PRKN: variants seen among roughly 807,000 people sequenced by gnomAD.
PRKN encodes E3 ubiquitin-protein ligase parkin.
PRKN carries 56 observed loss-of-function variants against 59.5 expected under a neutral mutation model. The observed-to-expected ratio is 0.94, with a 90% CI of 0.76 to 1.18. The LOEUF is 1.18. PRKN is among the 50% of genes most tolerant of loss of function. PRKN has a pLI of 0.00. For synonymous variants in PRKN, 250 were observed against 222.1 expected, an observed-to-expected ratio of 1.13 and a Z score of -1.12; for missense variants, 657 against 596.4, an observed-to-expected ratio of 1.10 and a Z score of -1.06.
At chr6:162,313,766 C>T (rs1424210611) in intron 2 of PRKN, among the ~76,000 whole-genome samples, 5 of 152,190 alleles carry the variant, frequency 3.3e-5, no homozygotes, top group African/African-American at 9.6e-5. Flanking sequence ...GGATTACAGG[C>T]GTGAGCCACC....
intron 9 of PRKN, among the ~76,000 whole-genome samples, chr6:161,540,427 A>G (rs2115407636): frequency 6.6e-6 from 1 of 152,340 alleles, no homozygotes; most frequent in South Asian, 2.1e-4. Context: ...AAAAATATAT[A>G]TCAATGGCAG....
In PRKN at chr6:162,199,935, G is replaced by A. The variant is rs555992946; in HGVS notation, c.534+1196C>T. ...ACAGCTCCTCATCTGCGAACCAGAT[G>A]AAATGCGCCTTAATTAGCCTCTTGT... On this transcript the variant is annotated intron_variant, in intron 4 of 11. Transcript: ENST00000366898. 5.3e-5 allele frequency among the ~76,000 whole-genome samples: 8 copies of A among 152,222 alleles called. 1 individual carries two copies. Among genetic ancestry groups the A allele is most frequent in the African/African-American group, 1.9e-4 (8 of 41,544 alleles).
At chr6:162,506,841 G>A (rs1242744532) in intron 1 of PRKN, among the ~76,000 whole-genome samples, 1 of 152,162 alleles carries the variant, frequency 6.6e-6, no homozygotes, top group African/African-American at 2.4e-5. Flanking sequence ...GCATCACAGT[G>A]GACTTAAGGG....
At chr6:161,984,626 C>T (rs899871693) in intron 5 of PRKN, among the ~76,000 whole-genome samples, 3 of 152,146 alleles carry the variant, frequency 2.0e-5, no homozygotes, top group African/African-American at 4.8e-5. Context: ...ATCTGTCAGA[C>T]TGCAAAACAA....
chr6:161,450,028 A>C (rs1390155287), intron 9 of PRKN, among the ~76,000 whole-genome samples: 1 of 152,208 alleles, frequency 6.6e-6, no homozygotes, highest in Non-Finnish European at 1.5e-5. Context: ...GGTAAGGTAC[A>C]GGTAGTCTGG....
chr6:162,696,769 C>CAAGA (rs1229295065), intron 1 of PRKN, among the ~76,000 whole-genome samples: 2 of 151,732 alleles, frequency 1.3e-5, no homozygotes, highest in East Asian at 1.9e-4. Flanking sequence ...TGGTCTTGAA[C>CAAGA]TCTTGGGCTC....
At chr6:162,456,422 G>T (rs1276646355) in intron 1 of PRKN, among the ~76,000 whole-genome samples, 1 of 152,074 alleles carries the variant, frequency 6.6e-6, no homozygotes. Context: ...ACTAAAAATA[G>T]CATGACACAT....
At chr6:161,650,900 G>A (rs1784127877) in intron 7 of PRKN, among the ~76,000 whole-genome samples, 1 of 152,048 alleles carries the variant, frequency 6.6e-6, no homozygotes, top group African/African-American at 2.4e-5. Flanking sequence ...TTCTAATAAT[G>A]GTTATTTGTC....
chr6:162,594,618 AG>A (rs1426226455), intron 1 of PRKN, among the ~76,000 whole-genome samples: 1 of 152,198 alleles, frequency 6.6e-6, no homozygotes, highest in Non-Finnish European at 1.5e-5. Flanking sequence ...CTAGTTTATT[AG>A]CTAGACCACT....
At position 161,498,494 on chromosome 6, in the gene PRKN, G is replaced by C. The variant is rs6922154; in HGVS notation, c.1083+50360C>G. ...TTCTCCCTGAGAGCTTGTGGGAAGG[G>C]TGTGCTGTCCTAACCCAGTTAGATG... On this transcript the variant is annotated intron_variant, in intron 9 of 11. Coordinates refer to ENST00000366898, the MANE Select transcript of PRKN (RefSeq NM_004562.3). This position sits in a 1 kb window ranked among gnomAD's most constrained non-coding sequence, Gnocchi z 4.2. Among the ~76,000 whole-genome samples, 18,182 of 152,144 alleles carry C rather than the reference G, an allele frequency of 0.12. 1,556 individuals carry two copies. The highest frequency in any genetic ancestry group is 0.25 in the African/African-American group (10,331 of 41,478).
At chr6:162,087,594 T>C (rs1264445250) in intron 4 of PRKN, among the ~76,000 whole-genome samples, 2 of 142,814 alleles carry the variant, frequency 1.4e-5, no homozygotes, top group Non-Finnish European at 3.1e-5. Context: ...AATTTCTTTT[T>C]TTTTTTTTTT....
intron 6 of PRKN, among the ~76,000 whole-genome samples, chr6:161,908,452 C>T (rs907802024): frequency 1.3e-5 from 2 of 152,072 alleles, no homozygotes; most frequent in Non-Finnish European, 2.9e-5. Flanking sequence ...TTTGACATAT[C>T]GACTGTATTC....
intron 1 of PRKN, among the ~76,000 whole-genome samples, chr6:162,602,065 C>A (rs928391749): frequency 6.6e-6 from 1 of 152,198 alleles, no homozygotes; most frequent in Non-Finnish European, 1.5e-5. Flanking sequence ...ATACAGCAGG[C>A]AGTCACATAC....
chr6:162,716,758 G>A (rs1001964171), intron 1 of PRKN, among the ~76,000 whole-genome samples: 1 of 144,332 alleles, frequency 6.9e-6, no homozygotes, highest in Admixed American at 7.1e-5. Flanking sequence ...CTACCCGCCT[G>A]CGCGCGCGCG....
intron 2 of PRKN, among the ~76,000 whole-genome samples, chr6:162,437,175 A>G (rs968469396): frequency 6.6e-6 from 1 of 152,200 alleles, no homozygotes; most frequent in Non-Finnish European, 1.5e-5. Flanking sequence ...CTGTACTCTT[A>G]GTATGAACAA....
Position 161,792,501 on chromosome 6 carries a change from T to C in PRKN, c.735-6593A>G, listed in dbSNP as rs370661667. 1.2e-3 allele frequency among the ~76,000 whole-genome samples: 190 copies of C among 152,334 alleles called. 6 individuals carry two copies. In the South Asian group the frequency reaches 0.038, roughly 31 times the overall value. ...TCTCCCCAGTGGAAAGCAAAGTTAT[T>C]ACATATGTATGAAGAGCAGCAGCAT... On this transcript the variant is annotated intron_variant, in intron 6 of 11. Coordinates refer to ENST00000366898, the MANE Select transcript of PRKN (RefSeq NM_004562.3).
chr6:161,638,930 C>T (rs1275042484), intron 7 of PRKN, among the ~76,000 whole-genome samples: 7 of 151,692 alleles, frequency 4.6e-5, no homozygotes, highest in South Asian at 2.1e-4. Flanking sequence ...TTAGTACAGA[C>T]GGGGTTTCAC....
At chr6:162,686,887 A>C (rs1457751106) in intron 1 of PRKN, among the ~76,000 whole-genome samples, 2 of 152,178 alleles carry the variant, frequency 1.3e-5, no homozygotes, top group Non-Finnish European at 2.9e-5. Context: ...ATCTATTTTT[A>C]TACAAGTACC....
At chr6:162,368,189 CAG>C (rs1163185046) in intron 2 of PRKN, among the ~76,000 whole-genome samples, 1 of 152,076 alleles carries the variant, frequency 6.6e-6, no homozygotes, top group African/African-American at 2.4e-5. Flanking sequence ...GTTGGGAGAA[CAG>C]GGAATCACTC....
Sources: gnomAD v4.1 joint callset for allele counts (sites outside exome capture counted in the v4.1 genomes callset) on GRCh38, gnomAD v4.1.1 for gene constraint, Gnocchi (gnomAD v3.1) non-coding constraint, MANE v1.5 for transcripts, NCBI Gene and HGNC (gene_info 2026-07-23, HGNC 2026-07-21) for gene names.